Variants in ACAD11 observed in about 807,000 individuals in gnomAD.
The protein encoded by ACAD11 is acyl-CoA dehydrogenase family member 11.
In ACAD11, 83 loss-of-function variants were observed where a neutral mutation model predicts 102.2. The ratio of observed to expected loss-of-function variants is 0.81; its 90% CI spans 0.68 to 0.97. The LOEUF (loss-of-function observed/expected upper bound fraction) is 0.97, where lower values mean the gene tolerates loss of function less well. Ranked by LOEUF, ACAD11 falls within the 50% of genes least tolerant of loss-of-function variation. The probability of loss-of-function intolerance (pLI) is 0.00; values close to 1 mark genes in which losing one functional copy is unlikely to be tolerated. For synonymous variants in ACAD11, 324 were observed against 319.8 expected, an observed-to-expected ratio of 1.01 and a Z score of -0.14; for missense variants, 901 against 951.7, an observed-to-expected ratio of 0.95 and a Z score of 0.70.
rs1389978746 is a variant in ACAD11, at chr3:132,561,222, A to AG, written c.2002-6dup. On this transcript the variant is annotated splice_polypyrimidine_tract_variant and splice_region_variant and intron_variant, in intron 17 of 19. Transcript: ENST00000264990. ...AATCCAGTGAGCCACAACCTCCTAT[A>AG]GGGGAGGAAAAGGCAGCAAAAGAAG... is the stretch of plus-strand genomic sequence containing the variant. 1.9e-6 allele frequency: 3 copies of AG among 1,610,030 alleles called. No homozygotes were observed. The highest frequency in any genetic ancestry group is 2.7e-5 in the African/African-American group (2 of 74,856).
intron 13 of ACAD11, chr3:132,600,462 A>G: frequency 1.2e-6 from 2 of 1,613,340 alleles, no homozygotes; most frequent in Non-Finnish European, 1.7e-6. Context: ...AATGGCACTT[A>G]TGACTACAGT....
Position 132,634,238 on chromosome 3 carries a change from G to A in ACAD11, c.703-2759C>T, listed in dbSNP as rs1324734178. Among the ~76,000 whole-genome samples, 3 of 152,154 alleles carry A rather than the reference G, an allele frequency of 2.0e-5. 1 individual carries two copies. In the South Asian group the frequency reaches 6.2e-4, roughly 32 times the overall value. ...AAAACAAACAACCCCATCAACAAGT[G>A]GGTGAACGATATGAACAGACACTTC... is the stretch of plus-strand genomic sequence containing the variant. On this transcript the variant is annotated intron_variant, in intron 5 of 19. Transcript: ENST00000264990.
intron 17 of ACAD11, among the ~76,000 whole-genome samples, chr3:132,562,566 A>G (rs188241368): frequency 6.6e-6 from 1 of 152,318 alleles, no homozygotes; most frequent in Admixed American, 6.5e-5. Context: ...CTAGCAGTGT[A>G]TGAGAGTTCC....
chr3:132,618,950 C>T (rs969052554), intron 10 of ACAD11, 178 bp from the exon 11 acceptor site: 6 of 510,764 alleles, frequency 1.2e-5, no homozygotes, highest in African/African-American at 9.9e-5. Flanking sequence ...CATTATAAAT[C>T]AACAGTTTAA....
intron 17 of ACAD11, among the ~76,000 whole-genome samples, chr3:132,570,053 G>T (rs933357961): frequency 6.6e-6 from 1 of 152,120 alleles, no homozygotes; most frequent in Non-Finnish European, 1.5e-5. Context: ...TTAAAAATTG[G>T]TACTTGCTTC....
chr3:132,576,978 A>G lies in ACAD11; in HGVS notation c.1812T>C (p.Asn604=), dbSNP rs1405552255. 3 of 1,611,000 alleles carry G rather than the reference A, an allele frequency of 1.9e-6. No individual in the cohort carries two copies. In the Admixed American group the frequency reaches 5.0e-5, roughly 27 times the overall value. ...FHGGHFEIHF[N]QVRVPATNLI... is the part of the protein sequence containing the mutation. ...GATTTGTGGCAGGAACTCGCACTTGATTAAAATGGATCTCAAAATGTCCTC... is the reference window on the plus strand; with the variant it reads ...GATTTGTGGCAGGAACTCGCACTTGGTTAAAATGGATCTCAAAATGTCCTC... The change falls in exon 16 of 20, where the codon AAT becomes AAC. Residue 604 remains asparagine, a synonymous_variant. Coordinates refer to ENST00000264990, the MANE Select transcript of ACAD11 (RefSeq NM_032169.5).
At chr3:132,579,405 A>T in intron 14 of ACAD11, 87 bp downstream of exon 14, 1 of 1,086,010 alleles carries the variant, frequency 9.2e-7, no homozygotes, top group Non-Finnish European at 1.4e-6. Flanking sequence ...TTGTGAGTCC[A>T]AACAGTGAAT....
chr3:132,643,111 T>C (rs543169149), intron 2 of ACAD11, among the ~76,000 whole-genome samples: 1 of 152,324 alleles, frequency 6.6e-6, no homozygotes, highest in African/African-American at 2.4e-5. Flanking sequence ...ACATATTTTA[T>C]CATAAAACAT....
intron 17 of ACAD11, among the ~76,000 whole-genome samples, chr3:132,573,846 C>T (rs965376641): frequency 2.6e-5 from 4 of 152,084 alleles, no homozygotes; most frequent in South Asian, 2.1e-4. Flanking sequence ...GAATTTTTTG[C>T]GTTACAGCCT....
intron 13 of ACAD11, among the ~76,000 whole-genome samples, chr3:132,589,088 G>T (rs1415750548): frequency 6.6e-6 from 1 of 152,076 alleles, no homozygotes; most frequent in Non-Finnish European, 1.5e-5. Flanking sequence ...ACTATATGAG[G>T]ACAGAACAAG....
intron 13 of ACAD11, among the ~76,000 whole-genome samples, chr3:132,599,054 T>C (rs1204591158): frequency 6.6e-6 from 1 of 152,192 alleles, no homozygotes; most frequent in Non-Finnish European, 1.5e-5. Flanking sequence ...GGCTCATGCC[T>C]GTTACTCCAA....
intron 10 of ACAD11, 86 bp from the exon 11 acceptor site, chr3:132,618,858 T>C (rs950060421): frequency 3.0e-5 from 39 of 1,292,712 alleles, no homozygotes; most frequent in Non-Finnish European, 3.5e-5. Context: ...TTGGTATTTA[T>C]GATCTTTGAA....
rs62291509 is a variant in ACAD11 at position 132,629,234 on chromosome 3, G to A, written c.964-788C>T. On this transcript the variant is annotated intron_variant, in intron 7 of 19. Coordinates refer to ENST00000264990, the MANE Select transcript of ACAD11 (RefSeq NM_032169.5). ...AGTGCAGTGGCATGATCTCAGCTCA[G>A]TGCAACCTCCACCTCCCAGGTTCAA... is the stretch of plus-strand genomic sequence containing the variant. 1.4e-3 allele frequency among the ~76,000 whole-genome samples: 220 copies of A among 152,188 alleles called. 1 individual carries two copies. The highest frequency in any genetic ancestry group is 5.2e-3 in the African/African-American group (215 of 41,526).
chr3:132,659,328 A>G, intron 1 of ACAD11: 1 of 435,254 alleles, frequency 2.3e-6, no homozygotes, highest in East Asian at 4.9e-5. Context: ...GCCTTGGTGA[A>G]TCCTCAAGGG....
Position 132,558,785 on chromosome 3 carries a change from T to A in ACAD11, c.*186A>T. On this transcript the variant is annotated 3_prime_UTR_variant, in exon 20 of 20. Transcript: ENST00000264990. Reference sequence around the variant, plus strand: ...ACAGCTACAGCATTTCTTACTGAACTTAACCCTGTGTGACCCTTGAAATAA... The same window carrying A: ...ACAGCTACAGCATTTCTTACTGAACATAACCCTGTGTGACCCTTGAAATAA... The A allele has an allele frequency of 1.8e-6, 1 of 550,858 alleles. No homozygotes were observed. The highest frequency in any genetic ancestry group is 3.2e-6 in the Non-Finnish European group (1 of 315,984). The allele number at this position is 550,858 out of a possible 1,614,324, so 34.1% of individuals were successfully genotyped here.
In ACAD11 at chr3:132,644,806, T is replaced by C; in HGVS notation, c.240A>G (p.Lys80=). The C allele has an allele frequency of 6.2e-7, 1 of 1,606,732 alleles. No individual in the cohort carries two copies. Among genetic ancestry groups the C allele is most frequent in the Non-Finnish European group, 8.5e-7 (1 of 1,175,070 alleles). The change falls in exon 2 of 20, where the codon AAA becomes AAG. Residue 80 remains lysine (K), a synonymous_variant. Transcript: ENST00000264990. ...RKKPPGSLLP[K]AHQIDREFKV... ...CATTTGTATACTATACCTGATGTGC[T>C]TTAGGAAGAAGTGAACCTGGTGGTT...
At chr3:132,585,635 A>G (rs1021222328) in intron 13 of ACAD11, among the ~76,000 whole-genome samples, 12 of 152,204 alleles carry the variant, frequency 7.9e-5, no homozygotes, top group African/African-American at 2.9e-4. Context: ...AACTCAAACA[A>G]ATTTACAAGA....
chr3:132,653,374 A>C (rs1483034448), intron 1 of ACAD11, among the ~76,000 whole-genome samples: 1 of 152,174 alleles, frequency 6.6e-6, no homozygotes, highest in Admixed American at 6.5e-5. Flanking sequence ...TGCATACAAT[A>C]ATCTGTACAC....
Position 132,586,922 on chromosome 3 carries a change from G to T in ACAD11, c.1622-7364C>A, listed in dbSNP as rs899897001. The stretch of plus-strand genomic sequence containing the variant: ...AGCCTGGCCAACATGGCGAAACCCC[G>T]TCTCTACTAAAAATACAAAAAATTA... On this transcript the variant is annotated intron_variant, in intron 13 of 19. Transcript: ENST00000264990. Among the ~76,000 whole-genome samples the T allele has an allele frequency of 1.9e-4, 29 of 152,092 alleles. No homozygotes were observed. In the East Asian group the frequency reaches 5.2e-3, roughly 27 times the overall value.
Sources: gnomAD v4.1 joint callset for allele counts (sites outside exome capture counted in the v4.1 genomes callset) on GRCh38, gnomAD v4.1.1 for gene constraint, MANE v1.5 for transcripts, NCBI Gene and HGNC (gene_info 2026-07-23, HGNC 2026-07-21) for gene names.